The following ZNF536 variants were observed in gnomAD, a reference collection of about 807,000 sequenced individuals.
ZNF536 encodes zinc finger protein 536.
In ZNF536, 13 loss-of-function variants were observed where a neutral mutation model predicts 84.5. The ratio of observed to expected loss-of-function variants is 0.15; its 90% CI spans 0.10 to 0.24. The LOEUF is 0.24. ZNF536 is among the 10% of genes least tolerant of loss of function. ZNF536 has a pLI of 1.00. For missense variants in ZNF536, 1,536 were observed against 1,747.5 expected, an observed-to-expected ratio of 0.88 and a Z score of 2.16; for synonymous variants, 811 against 742.5, an observed-to-expected ratio of 1.09 and a Z score of -1.50.
intron 1 of ZNF536, among the ~76,000 whole-genome samples, chr19:30,576,771 C>G (rs926121415): frequency 6.6e-6 from 1 of 152,178 alleles, no homozygotes; most frequent in African/African-American, 2.4e-5. Flanking sequence ...GGACTGGAGG[C>G]TTTCTTGTCC....
chr19:30,293,606 AC>A (rs1461051691), intron 2 of ZNF536, among the ~76,000 whole-genome samples: 2 of 152,094 alleles, frequency 1.3e-5, no homozygotes, highest in Non-Finnish European at 2.9e-5. Flanking sequence ...GTTTTCATGA[AC>A]TTTTGGCTGT....
chr19:30,343,285 A>G (rs1490350626), intron 2 of ZNF536, among the ~76,000 whole-genome samples: 1 of 152,198 alleles, frequency 6.6e-6, no homozygotes, highest in East Asian at 1.9e-4. Flanking sequence ...GAGACTCAAC[A>G]TTGCCTATTT....
chr19:30,648,120 G>T (rs753141578), intron 1 of ZNF536, among the ~76,000 whole-genome samples: 1 of 152,030 alleles, frequency 6.6e-6, no homozygotes, highest in Admixed American at 6.6e-5. Flanking sequence ...TTCCTTTTCT[G>T]CCTGTGTTCC....
chr19:30,338,043 A>ATGATGGTGG (rs2047438643), intron 2 of ZNF536, among the ~76,000 whole-genome samples: 1 of 150,826 alleles, frequency 6.6e-6, no homozygotes, highest in Non-Finnish European at 1.5e-5. Flanking sequence ...GACAGTGGTG[A>ATGATGGTGG]TGATGGTGGT....
intron 2 of ZNF536, among the ~76,000 whole-genome samples, chr19:30,521,473 G>A (rs2044317753): frequency 2.0e-5 from 3 of 152,172 alleles, no homozygotes; most frequent in African/African-American, 7.2e-5. Flanking sequence ...AGTTCCCATT[G>A]AGAATTTGCC....
intron 2 of ZNF536, among the ~76,000 whole-genome samples, chr19:30,312,312 AG>A (rs2046532915): frequency 6.6e-6 from 1 of 152,034 alleles, no homozygotes; most frequent in African/African-American, 2.4e-5. Context: ...ATGGAAGGGA[AG>A]AGGGGGACGC....
At chr19:30,493,218 G>A (rs936692234) in intron 2 of ZNF536, among the ~76,000 whole-genome samples, 10 of 146,996 alleles carry the variant, frequency 6.8e-5, no homozygotes, top group African/African-American at 2.0e-4. Flanking sequence ...TAATGAAAAC[G>A]TGTGTAATGA....
chr19:30,401,813 C>T (rs1010106182), intron 1 of ZNF536, among the ~76,000 whole-genome samples: 7 of 152,082 alleles, frequency 4.6e-5, no homozygotes, highest in African/African-American at 1.7e-4. Flanking sequence ...TAAAGGACTT[C>T]AAGGGAAAAG....
intron 1 of ZNF536, among the ~76,000 whole-genome samples, chr19:30,236,530 G>C (rs566773597): frequency 5.6e-5 from 5 of 89,490 alleles, no homozygotes; most frequent in African/African-American, 5.0e-4. Flanking sequence ...AAGTTGGGGC[G>C]GGGGGGGGGT....
chr19:30,375,168 C>T (rs1421030958), intron 1 of ZNF536, among the ~76,000 whole-genome samples: 1 of 150,032 alleles, frequency 6.7e-6, no homozygotes, highest in Non-Finnish European at 1.5e-5. Context: ...GCCCCGCCGC[C>T]GAGCCTCCCG....
Position 30,228,860 on chromosome 19 carries a change from TTC to T in ZNF536, c.-190+188_-190+189del, listed in dbSNP as rs1491571652. The T allele has an allele frequency of 2.6e-5, 4 of 151,064 alleles. No individual in the cohort carries two copies. Among genetic ancestry groups the T allele is most frequent in the Non-Finnish European group, 4.4e-5 (3 of 67,720 alleles). The allele number at this position is 151,064 out of a possible 1,614,324, so 9.4% of individuals were successfully genotyped here. A position where few individuals can be genotyped will look rare whatever the true frequency, so the allele number is the denominator to read the frequency against. ...TGGCTGCTCGCACAACTTTTTTTTT[TTC>T]CCCCGTCTGCTGACTTTTCGGGCCA... On this transcript the variant is annotated intron_variant, in intron 1 of 5. Coordinates refer to the ZNF536 transcript ENST00000585628. This position sits in a 1 kb window ranked among gnomAD's most constrained non-coding sequence, Gnocchi z 4.5.
At chr19:30,303,715 C>T (rs2046261384) in intron 2 of ZNF536, among the ~76,000 whole-genome samples, 1 of 152,134 alleles carries the variant, frequency 6.6e-6, no homozygotes, top group Non-Finnish European at 1.5e-5. Flanking sequence ...GTCGGCCGGG[C>T]TGGTCTCTAA....
chr19:30,558,270 C>T (rs2046035196), downstream of ZNF536, among the ~76,000 whole-genome samples: 1 of 152,096 alleles, frequency 6.6e-6, no homozygotes, highest in Non-Finnish European at 1.5e-5. Flanking sequence ...TGGAAAAGGA[C>T]CTTCCAATTT....
At chr19:30,371,657 G>T (rs1346281693), upstream of ZNF536, among the ~76,000 whole-genome samples, 1 of 146,648 alleles carries the variant, frequency 6.8e-6, no homozygotes, top group Admixed American at 7.0e-5. Flanking sequence ...CTGTATTTTT[G>T]CAGGAGGGTA....
chr19:30,346,677 GT>G (rs1435828907), intron 2 of ZNF536, among the ~76,000 whole-genome samples: 1 of 152,174 alleles, frequency 6.6e-6, no homozygotes, highest in Non-Finnish European at 1.5e-5. Flanking sequence ...ACATGATCTT[GT>G]TCTTTTTTAT....
At chr19:30,520,786 T>G (rs2044288627) in intron 2 of ZNF536, among the ~76,000 whole-genome samples, 1 of 152,014 alleles carries the variant, frequency 6.6e-6, no homozygotes, top group African/African-American at 2.4e-5. Flanking sequence ...GATGGTGGGG[T>G]TGGGAGGCTA....
Position 30,500,452 on chromosome 19 carries a change from T to TAG in ZNF536, c.2171-34395_2171-34394insAG, listed in dbSNP as rs374934189. ...TGTGGGTCTCACAACCCCGGGCTCA[T>TAG]TCCTGGGTCTAGAATCTCAGCAAGA... On this transcript the variant is annotated intron_variant, in intron 2 of 4. Transcript: ENST00000355537. Among the ~76,000 whole-genome samples the TAG allele has an allele frequency of 1.8e-3, 269 of 149,484 alleles. 3 individuals carry two copies. The highest frequency in any genetic ancestry group is 6.5e-3 in the African/African-American group (261 of 40,392).
intron 2 of ZNF536, among the ~76,000 whole-genome samples, chr19:30,466,262 C>T (rs1034394073): frequency 1.3e-5 from 2 of 151,694 alleles, no homozygotes. Flanking sequence ...CCATTTTAGG[C>T]TGGACACCAT....
At chr19:30,543,151 T>C (rs1446072489) in intron 3 of ZNF536, among the ~76,000 whole-genome samples, 1 of 152,130 alleles carries the variant, frequency 6.6e-6, no homozygotes, top group East Asian at 1.9e-4. Flanking sequence ...GTGCCCACAG[T>C]TGGTTAGAGT....
Sources: gnomAD v4.1 joint callset for allele counts (sites outside exome capture counted in the v4.1 genomes callset) on GRCh38, gnomAD v4.1.1 for gene constraint, Gnocchi (gnomAD v3.1) non-coding constraint, MANE v1.5 for transcripts, NCBI Gene and HGNC (gene_info 2026-07-23, HGNC 2026-07-21) for gene names.